Variants in OR6C2 observed in about 807,000 individuals in gnomAD.
The protein encoded by OR6C2 is olfactory receptor family 6 subfamily C member 2.
For missense variants in OR6C2, 435 were observed against 365.8 expected (o/e 1.19, Z -1.54); for synonymous variants, 146 against 134.2 (o/e 1.09, Z -0.61).
chr12:55,453,186 A>G lies in OR6C2; in HGVS notation c.*34A>G, dbSNP rs1031423501. On this transcript the variant is annotated 3_prime_UTR_variant, in exon 2 of 2. Transcript: ENST00000641202. ...ATGAATTGGCATAAAGTGAATGAAGAAGGCTCCCTAAATGTCATCCTACAG... is the reference window on the plus strand; with the variant it reads ...ATGAATTGGCATAAAGTGAATGAAGGAGGCTCCCTAAATGTCATCCTACAG... The G allele has an allele frequency of 2.0e-6, 3 of 1,484,336 alleles. No individual in the cohort carries two copies. The African/African-American group carries it at 4.2e-5, about 21-fold the overall frequency. 91.9% of individuals were successfully genotyped at this position (1,484,336 alleles called of 1,614,324 possible). A position where few individuals can be genotyped will look rare whatever the true frequency, so the allele number is the denominator to read the frequency against.
intron 1 of OR6C2, among the ~76,000 whole-genome samples, chr12:55,447,813 T>C (rs1034542512): frequency 5.3e-5 from 8 of 152,130 alleles, no homozygotes; most frequent in African/African-American, 1.7e-4. Flanking sequence ...TAAAGTTAGT[T>C]CTTTAAACTC....
intron 1 of OR6C2, among the ~76,000 whole-genome samples, chr12:55,447,133 A>G (rs1871378082): frequency 6.6e-6 from 1 of 152,108 alleles, no homozygotes; most frequent in South Asian, 2.1e-4. Flanking sequence ...GTTACGATTC[A>G]TTTAGATAGT....
chr12:55,448,275 T>C (rs548972414), intron 1 of OR6C2, among the ~76,000 whole-genome samples: 1 of 151,930 alleles, frequency 6.6e-6, no homozygotes, highest in South Asian at 2.1e-4. Flanking sequence ...CTGTAAATAT[T>C]TTCTCCCATT....
intron 1 of OR6C2, among the ~76,000 whole-genome samples, chr12:55,447,212 G>A (rs535717613): frequency 6.6e-6 from 1 of 151,970 alleles, no homozygotes; most frequent in Non-Finnish European, 1.5e-5. Context: ...AACTGCACTT[G>A]CACACAACCA....
chr12:55,446,297 G>A (rs997930922), intron 1 of OR6C2, among the ~76,000 whole-genome samples: 3 of 152,060 alleles, frequency 2.0e-5, no homozygotes, highest in Non-Finnish European at 4.4e-5. Flanking sequence ...TTACAGGCAT[G>A]TGCCACCACA....
chr12:55,452,453 G>A lies in OR6C2; in HGVS notation c.240G>A (p.Leu80=), dbSNP rs774009403. 6.2e-7 allele frequency: 1 copy of A among 1,613,596 alleles called. No individual in the cohort carries two copies. The highest frequency in any genetic ancestry group is 8.5e-7 in the Non-Finnish European group (1 of 1,179,672). ...CTACAGTCTGCATTCCCAGATTCTT[G>A]TACAATATATCAATGGGGGACAATA... ...SFTTVCIPRF[L]YNISMGDNTI... is the part of the protein sequence containing the mutation. Residue 80 remains leucine (L), a synonymous_variant, in exon 2 of 2, where the codon TTG becomes TTA. Coordinates refer to ENST00000641202, the MANE Select transcript of OR6C2 (RefSeq NM_054105.2).
chr12:55,447,874 T>C (rs1361558716), intron 1 of OR6C2, among the ~76,000 whole-genome samples: 2 of 152,126 alleles, frequency 1.3e-5, no homozygotes, highest in Admixed American at 6.5e-5. Context: ...TACTGGATCA[T>C]ATAGTAGTTA....
intron 1 of OR6C2, among the ~76,000 whole-genome samples, chr12:55,450,048 T>C (rs2120683123): frequency 6.6e-6 from 1 of 152,174 alleles, no homozygotes; most frequent in Non-Finnish European, 1.5e-5. Context: ...GACAAATCTG[T>C]TTTATTTCTT....
At chr12:55,446,920 G>T (rs745598306) in intron 1 of OR6C2, among the ~76,000 whole-genome samples, 2 of 152,128 alleles carry the variant, frequency 1.3e-5, no homozygotes, top group African/African-American at 4.8e-5. Flanking sequence ...GCAAACCATA[G>T]GTCCAATAAT....
At chr12:55,446,147 T>TTC (rs1565690053) in intron 1 of OR6C2, among the ~76,000 whole-genome samples, 17 of 25,860 alleles carry the variant, frequency 6.6e-4, no homozygotes, top group African/African-American at 2.2e-3. Context: ...TTCCTTCCTT[T>TTC]CTTTCTTTCT....
intron 1 of OR6C2, among the ~76,000 whole-genome samples, chr12:55,448,695 TTGTAG>T (rs1365416218): frequency 9.5e-6 from 1 of 105,426 alleles, no homozygotes; most frequent in Admixed American, 9.5e-5. Flanking sequence ...TATACTGCTA[TTGTAG>T]CGTTGTTTTC....
At position 55,452,556 on chromosome 12, in the gene OR6C2, G is replaced by A; in HGVS notation, c.343G>A (p.Ala115Thr). Residue 115 changes from alanine to threonine, a missense_variant, in exon 2 of 2, where the codon GCC becomes ACC. Physicochemically the swap from Ala to Thr is moderately conservative, Grantham distance 58. Coordinates refer to ENST00000641202, the MANE Select transcript of OR6C2 (RefSeq NM_054105.2). The stretch of plus-strand genomic sequence containing the variant: ...AGCAACAGAATTTTTTCTCTTGGCA[G>A]CCATGTCCTATGACCGCTATGTGGC... ...FGATEFFLLA[A>T]MSYDRYVAIC... 3 of 1,613,860 alleles carry A rather than the reference G, an allele frequency of 1.9e-6. No homozygotes were observed. Among genetic ancestry groups the A allele is most frequent in the Non-Finnish European group, 2.5e-6 (3 of 1,179,842 alleles).
chr12:55,448,681 G>GAAAAAAAAAAAAAAAA (rs1871413688), intron 1 of OR6C2, among the ~76,000 whole-genome samples: 1 of 77,522 alleles, frequency 1.3e-5, no homozygotes, highest in Admixed American at 1.3e-4. Flanking sequence ...AAAGAAAAAA[G>GAAAAAAAAAAAAAAAA]AAATATACTG....
rs747243106 is a variant in OR6C2 at position 55,452,403 on chromosome 12, T to C, written c.190T>C (p.Phe64Leu). The C allele has an allele frequency of 6.2e-7, 1 of 1,613,572 alleles. No individual in the cohort carries two copies. The highest frequency in any genetic ancestry group is 8.5e-7 in the Non-Finnish European group (1 of 1,179,716). The part of the protein sequence containing the change: ...KTPMYFFLRN[F>L]SFLEVSFTTV... ...TCCTATGTACTTCTTTCTCAGAAAT[T>C]TTTCCTTCTTAGAAGTCTCATTTAC... The change falls in exon 2 of 2, where the codon TTT becomes CTT. Residue 64 changes from phenylalanine (F) to leucine (L), a missense_variant. Physicochemically the swap from Phe to Leu is conservative, Grantham distance 22 (BLOSUM62 0). Coordinates refer to ENST00000641202, the MANE Select transcript of OR6C2 (RefSeq NM_054105.2).
chr12:55,450,529 AAAG>A (rs534009817), intron 1 of OR6C2, among the ~76,000 whole-genome samples: 445 of 152,092 alleles, frequency 2.9e-3, no homozygotes, highest in Non-Finnish European at 5.1e-3. Flanking sequence ...CAGAAATCTC[AAAG>A]AAGGAGCATG....
At chr12:55,445,551 A>G (rs1871347601) in intron 1 of OR6C2, among the ~76,000 whole-genome samples, 1 of 152,226 alleles carries the variant, frequency 6.6e-6, no homozygotes, top group Non-Finnish European at 1.5e-5. Flanking sequence ...GTTTGTAGCT[A>G]CCATTATAAA....
At chr12:55,449,012 T>A (rs1447218157) in intron 1 of OR6C2, among the ~76,000 whole-genome samples, 1 of 151,908 alleles carries the variant, frequency 6.6e-6, no homozygotes, top group Admixed American at 6.6e-5. Flanking sequence ...CCTTCTAATA[T>A]GTGTAGAAAG....
intron 1 of OR6C2, among the ~76,000 whole-genome samples, chr12:55,449,859 A>AG (rs1220844085): frequency 6.6e-6 from 1 of 152,030 alleles, no homozygotes; most frequent in African/African-American, 2.4e-5. Context: ...AGCAAAAAAA[A>AG]ACTCTGGAAA....
chr12:55,453,228 T>C lies in OR6C2; in HGVS notation c.*76T>C. On this transcript the variant is annotated 3_prime_UTR_variant, in exon 2 of 2. Transcript: ENST00000641202. ...ATCCTACAGCTTTTAACTTATTTCA[T>C]TGCTTCCTGACTACAGTTTAGTCAT... The C allele has an allele frequency of 9.8e-7, 1 of 1,023,810 alleles. No homozygotes were observed. The highest frequency in any genetic ancestry group is 1.4e-6 in the Non-Finnish European group (1 of 694,810). The allele number at this position is 1,023,810 out of a possible 1,614,324, so 63.4% of individuals were successfully genotyped here. A position where few individuals can be genotyped will look rare whatever the true frequency, so the allele number is the denominator to read the frequency against.
Sources: gnomAD v4.1 joint callset for allele counts (sites outside exome capture counted in the v4.1 genomes callset) on GRCh38, gnomAD v4.1.1 for gene constraint, MANE v1.5 for transcripts, NCBI Gene and HGNC (gene_info 2026-07-23, HGNC 2026-07-21) for gene names.